MMAA: variants seen among roughly 807,000 people sequenced by gnomAD.
MMAA encodes the protein metabolism of cobalamin associated A, also known as methylmalonic aciduria type A protein, mitochondrial.
In MMAA, 41 loss-of-function variants were observed where a neutral mutation model predicts 45.0. The ratio of observed to expected loss-of-function variants is 0.91; its 90% CI spans 0.71 to 1.18. The LOEUF (loss-of-function observed/expected upper bound fraction) is 1.18. MMAA is among the 50% of genes most tolerant of loss of function. MMAA has a pLI of 0.00. For missense variants in MMAA, 460 were observed against 495.7 expected (o/e 0.93, Z 0.68); for synonymous variants, 154 against 178.2 (o/e 0.86, Z 1.08).
chr4:145,638,140 C>T (rs746732306), intron 1 of MMAA, among the ~76,000 whole-genome samples: 1 of 152,136 alleles, frequency 6.6e-6, no homozygotes, highest in Non-Finnish European at 1.5e-5. Flanking sequence ...GAGGCCGAGG[C>T]GGGCGGCTCA....
chr4:145,624,905 G>A (rs1578868432), intron 1 of MMAA: 1 of 1,558,942 alleles, frequency 6.4e-7, no homozygotes, highest in Non-Finnish European at 8.8e-7. Context: ...TGGCCCCCAA[G>A]TGGTCATGCA....
chr4:145,648,659 G>A (rs1476464560), intron 4 of MMAA, among the ~76,000 whole-genome samples: 1 of 152,082 alleles, frequency 6.6e-6, no homozygotes, highest in African/African-American at 2.4e-5. Flanking sequence ...AAATAACAGT[G>A]ACTCAAACAA....
At chr4:145,653,852 C>T in intron 5 of MMAA, 142 bp from the exon 6 acceptor site, 1 of 867,022 alleles carries the variant, frequency 1.2e-6, no homozygotes, top group South Asian at 1.4e-5. Flanking sequence ...TAATTTCTGT[C>T]AAGTAATGGT....
chr4:145,623,069 A>G (rs1734121790), intron 1 of MMAA, among the ~76,000 whole-genome samples: 1 of 152,276 alleles, frequency 6.6e-6, no homozygotes, highest in Non-Finnish European at 1.5e-5. Context: ...ATTTTAAAGC[A>G]TGGACATAAC....
chr4:145,639,072 T>A lies in MMAA; in HGVS notation c.-65-3T>A. The A allele has an allele frequency of 7.0e-7, 1 of 1,421,178 alleles. No individual in the cohort carries two copies. Among genetic ancestry groups the A allele is most frequent in the East Asian group, 2.3e-5 (1 of 44,002 alleles). 88.0% of individuals were successfully genotyped at this position (1,421,178 alleles called of 1,614,324 possible). Reference sequence around the variant, plus strand: ...CTGGCTAACATGTTTTTCTTTCTTCTAGGGAGGTCACAATCACATTGAGCC... The same window carrying A: ...CTGGCTAACATGTTTTTCTTTCTTCAAGGGAGGTCACAATCACATTGAGCC... On this transcript the variant is annotated splice_region_variant and splice_polypyrimidine_tract_variant and intron_variant, in intron 1 of 6. Transcript: ENST00000649156.
At position 145,656,041 on chromosome 4, in the gene MMAA, G is replaced by C. The variant is rs773103545; in HGVS notation, c.*607G>C. The C allele has an allele frequency of 3.9e-5, 6 of 152,178 alleles. No homozygotes were observed. The highest frequency in any genetic ancestry group is 1.4e-4 in the African/African-American group (6 of 41,434). The allele number at this position is 152,178 out of a possible 1,614,324, so 9.4% of individuals were successfully genotyped here. A position where few individuals can be genotyped will look rare whatever the true frequency, so the allele number is the denominator to read the frequency against. ...CCACCCCCCAACATGATAGGTAAGAGAGCAAAAGGGAACTGGGAAAAATCA... is the reference window on the plus strand; with the variant it reads ...CCACCCCCCAACATGATAGGTAAGACAGCAAAAGGGAACTGGGAAAAATCA... On this transcript the variant is annotated 3_prime_UTR_variant, in exon 7 of 7. Coordinates refer to ENST00000649156, the MANE Select transcript of MMAA (RefSeq NM_172250.3).
chr4:145,648,105 T>C (rs9990503), intron 4 of MMAA, among the ~76,000 whole-genome samples: 18,657 of 148,078 alleles, frequency 0.13, 1,516 homozygotes, highest in African/African-American at 0.23. Flanking sequence ...GTGATCCGCC[T>C]GCCTCAGCCT....
In MMAA at chr4:145,655,142, G is replaced by C. The variant is rs370814663; in HGVS notation, c.970-5G>C. 1.2e-6 allele frequency: 2 copies of C among 1,613,660 alleles called. No homozygotes were observed. Among genetic ancestry groups the C allele is most frequent in the East Asian group, 2.2e-5 (1 of 44,902 alleles). Reference sequence around the variant, plus strand: ...AAAATGGTCTGGTTCTTCCCTTTTCGATAGGTAATTCGTATTTCTGCCCGA... The same window carrying C: ...AAAATGGTCTGGTTCTTCCCTTTTCCATAGGTAATTCGTATTTCTGCCCGA... On this transcript the variant is annotated splice_polypyrimidine_tract_variant and splice_region_variant and intron_variant, in intron 6 of 6. Transcript: ENST00000649156.
intron 1 of MMAA, among the ~76,000 whole-genome samples, chr4:145,621,087 A>G (rs1734079583): frequency 6.6e-6 from 1 of 152,244 alleles, no homozygotes; most frequent in Non-Finnish European, 1.5e-5. Flanking sequence ...AAAGTTTCTT[A>G]GAGGTGATTA....
At chr4:145,630,351 C>T (rs1414277593) in intron 1 of MMAA, among the ~76,000 whole-genome samples, 1 of 152,200 alleles carries the variant, frequency 6.6e-6, no homozygotes, top group Non-Finnish European at 1.5e-5. Flanking sequence ...GTAATGTCTC[C>T]TTTTTCATCT....
chr4:145,634,817 C>T (rs1488663123), intron 1 of MMAA, among the ~76,000 whole-genome samples: 1 of 151,880 alleles, frequency 6.6e-6, no homozygotes, highest in Non-Finnish European at 1.5e-5. Context: ...CAGCAAGTTC[C>T]CTTCTGGCCC....
chr4:145,639,616 T>C (rs1324167311), intron 2 of MMAA, 38 bp downstream of exon 2: 3 of 1,584,548 alleles, frequency 1.9e-6, no homozygotes, highest in Non-Finnish European at 2.6e-6. Context: ...TAAATATTTT[T>C]ACAAATTCTC....
chr4:145,642,529 T>TTTATG, intron 3 of MMAA, 44 bp downstream of exon 3: 2 of 1,612,884 alleles, frequency 1.2e-6, no homozygotes, highest in Non-Finnish European at 1.7e-6. Context: ...GTCTGGGGGC[T>TTTATG]TTCTGTTACA....
chr4:145,637,273 G>C (rs1378419677), intron 1 of MMAA, among the ~76,000 whole-genome samples: 1 of 152,212 alleles, frequency 6.6e-6, no homozygotes, highest in African/African-American at 2.4e-5. Context: ...TATTGAAAGA[G>C]AGCTTCCAAA....
In MMAA at chr4:145,639,573, G is replaced by T; in HGVS notation, c.434G>T (p.Arg145Leu). 6.2e-7 allele frequency: 1 copy of T among 1,607,922 alleles called. No homozygotes were observed. The highest frequency in any genetic ancestry group is 8.5e-7 in the Non-Finnish European group (1 of 1,176,486). The part of the protein sequence containing the change: ...QSNKGKPLAF[R>L]VGLSGPPGAG... Reference sequence around the variant, plus strand: ...AATAAAGGAAAACCACTAGCATTTCGAGTAGGTCAGTCTTTTTTGTGTGTT... The same window carrying T: ...AATAAAGGAAAACCACTAGCATTTCTAGTAGGTCAGTCTTTTTTGTGTGTT... Residue 145 changes from arginine (R) to leucine (L), a missense_variant, in exon 2 of 7, where the codon CGA (arginine) becomes CTA (leucine). Coordinates refer to ENST00000649156, the MANE Select transcript of MMAA (RefSeq NM_172250.3).
chr4:145,636,665 A>C (rs572821748), intron 1 of MMAA, among the ~76,000 whole-genome samples: 2 of 152,314 alleles, frequency 1.3e-5, no homozygotes, highest in South Asian at 4.1e-4. Context: ...ACCTTCTTCA[A>C]CATTTTTGTT....
chr4:145,623,503 A>G (rs1471795611), intron 1 of MMAA, among the ~76,000 whole-genome samples: 1 of 152,208 alleles, frequency 6.6e-6, no homozygotes, highest in Non-Finnish European at 1.5e-5. Context: ...GAAAGACAAA[A>G]TTTGCAGTAG....
At chr4:145,629,968 A>AT (rs1306634331) in intron 1 of MMAA, among the ~76,000 whole-genome samples, 4 of 151,340 alleles carry the variant, frequency 2.6e-5, no homozygotes, top group Non-Finnish European at 4.4e-5. Flanking sequence ...GCCTCTAGGT[A>AT]TTTTTTTTTG....
chr4:145,642,617 C>T, intron 3 of MMAA, 132 bp downstream of exon 3: 1 of 1,279,932 alleles, frequency 7.8e-7, no homozygotes, highest in Non-Finnish European at 1.1e-6. Flanking sequence ...GGGAGTTCTG[C>T]AGAGTTAGGT....
Sources: gnomAD v4.1 joint callset for allele counts (sites outside exome capture counted in the v4.1 genomes callset) on GRCh38, gnomAD v4.1.1 for gene constraint, MANE v1.5 for transcripts, NCBI Gene and HGNC (gene_info 2026-07-23, HGNC 2026-07-21) for gene names.